PRELID2: variants seen among roughly 807,000 people sequenced by gnomAD.
The protein encoded by PRELID2 is PRELI domain containing 2.
A neutral mutation model predicts 28.4 loss-of-function variants in PRELID2; 25 were observed. The observed-to-expected ratio is 0.88, with a 90% CI of 0.64 to 1.23. The LOEUF is 1.23. Among genes scored for constraint, PRELID2 ranks in the 50% most tolerant of loss-of-function variants. PRELID2 has a pLI of 0.00. For missense variants in PRELID2, 201 were observed against 214.4 expected (o/e 0.94, Z 0.39); for synonymous variants, 76 against 71.6 (o/e 1.06, Z -0.31).
At chr5:145,277,173 A>G in the PRELID2 span, among the ~76,000 whole-genome samples, 1 of 152,116 alleles carries the variant, frequency 6.6e-6, no homozygotes, top group East Asian at 1.9e-4. Flanking sequence ...ATGGATTACT[A>G]CTGTGTCCCA....
At chr5:145,764,794 T>C in intron 6 of PRELID2, 137 bp downstream of exon 6, 1 of 643,954 alleles carries the variant, frequency 1.6e-6, no homozygotes, top group Non-Finnish European at 2.7e-6. Context: ...ATAAAACACC[T>C]GTGAAATAGT....
chr5:145,243,015 A>G, the PRELID2 span, among the ~76,000 whole-genome samples: 1 of 152,116 alleles, frequency 6.6e-6, no homozygotes, highest in Non-Finnish European at 1.5e-5. Flanking sequence ...AGTGGCTAAG[A>G]GACCTTTTTA....
chr5:145,792,701 TGTG>T (rs1752474264), intron 5 of PRELID2, among the ~76,000 whole-genome samples: 1 of 152,182 alleles, frequency 6.6e-6, no homozygotes. Context: ...CTAGACTGTA[TGTG>T]TTTACATGAA....
the PRELID2 span, among the ~76,000 whole-genome samples, chr5:145,332,716 C>CTT: frequency 4.6e-5 from 7 of 151,652 alleles, no homozygotes; most frequent in African/African-American, 1.7e-4. Context: ...TTAGAACATG[C>CTT]TTTTTTAACT....
intron 1 of PRELID2, among the ~76,000 whole-genome samples, chr5:145,741,813 TA>T (rs1756794826): frequency 1.2e-5 from 1 of 82,358 alleles, no homozygotes; most frequent in Non-Finnish European, 2.2e-5. Context: ...AATTTATTTA[TA>T]AATATACAAA....
chr5:145,741,381 T>A (rs1262884823), intron 1 of PRELID2, among the ~76,000 whole-genome samples: 4 of 108,376 alleles, frequency 3.7e-5, no homozygotes, highest in Non-Finnish European at 6.7e-5. Flanking sequence ...TAAATTTTAT[T>A]TATAAATTAT....
chr5:145,242,368 TAG>T, the PRELID2 span, among the ~76,000 whole-genome samples: 2 of 151,942 alleles, frequency 1.3e-5, no homozygotes, highest in African/African-American at 4.8e-5. Context: ...TTTCTAAATA[TAG>T]AGTTAAATGG....
intron 1 of PRELID2, among the ~76,000 whole-genome samples, chr5:145,630,432 T>G (rs1753916510): frequency 6.6e-6 from 1 of 152,166 alleles, no homozygotes; most frequent in Non-Finnish European, 1.5e-5. Flanking sequence ...TTAATTTGCT[T>G]TAATTTGGTA....
chr5:145,556,179 A>G (rs1752878409), intron 1 of PRELID2, among the ~76,000 whole-genome samples: 1 of 144,838 alleles, frequency 6.9e-6, no homozygotes, highest in African/African-American at 2.6e-5. Context: ...CTCTATCTCA[A>G]AAAAAAAAAA....
At chr5:145,300,141 G>A in the PRELID2 span, among the ~76,000 whole-genome samples, 3 of 151,874 alleles carry the variant, frequency 2.0e-5, no homozygotes, top group Admixed American at 2.0e-4. Flanking sequence ...TAAAAAAAAT[G>A]CCATCTTTGA....
chr5:145,653,773 T>C (rs372352395), intron 1 of PRELID2, among the ~76,000 whole-genome samples: 3 of 152,106 alleles, frequency 2.0e-5, no homozygotes, highest in Non-Finnish European at 2.9e-5. Context: ...ATTTATAGCA[T>C]TAAATGCCCA....
At chr5:145,328,843 CT>C in the PRELID2 span, among the ~76,000 whole-genome samples, 1 of 152,074 alleles carries the variant, frequency 6.6e-6, no homozygotes, top group Admixed American at 6.6e-5. Context: ...GTCATGAAGT[CT>C]TTTCCCATGC....
the PRELID2 span, among the ~76,000 whole-genome samples, chr5:145,296,893 G>C: frequency 1.3e-5 from 2 of 152,206 alleles, no homozygotes; most frequent in Non-Finnish European, 2.9e-5. Context: ...TCTAACTGGT[G>C]TGAGGTGGTA....
At chr5:145,255,893 C>A in the PRELID2 span, among the ~76,000 whole-genome samples, 3 of 151,344 alleles carry the variant, frequency 2.0e-5, no homozygotes, top group Admixed American at 1.3e-4. Context: ...AAACTGGAGT[C>A]CCAGAATACA....
chr5:145,410,894 T>C, the PRELID2 span, among the ~76,000 whole-genome samples: 1 of 152,124 alleles, frequency 6.6e-6, no homozygotes, highest in Admixed American at 6.6e-5. Context: ...AAGTCTCATC[T>C]GAGTCAAAGC....
chr5:145,698,189 C>T (rs552172715), intron 1 of PRELID2, among the ~76,000 whole-genome samples: 36 of 152,116 alleles, frequency 2.4e-4, no homozygotes, highest in Middle Eastern at 3.4e-3. Flanking sequence ...TTTATTCATT[C>T]GGAAAATTCT....
At position 145,679,876 on chromosome 5, in the gene PRELID2, AT is replaced by A. The variant is rs1309496137; in HGVS notation, n.70+85054del. Among the ~76,000 whole-genome samples the A allele has an allele frequency of 2.7e-5, 4 of 150,024 alleles. No individual in the cohort carries two copies. The East Asian group carries it at 7.8e-4, about 29-fold the overall frequency. ...ATAATACATTTATACAACTAATTTT[AT>A]ACAAATAATATATAAAATATGTAAA... On this transcript the variant is annotated intron_variant and non_coding_transcript_variant, in intron 1 of 2. Coordinates refer to the PRELID2 transcript ENST00000510259.
chr5:145,349,362 TTG>T, the PRELID2 span, among the ~76,000 whole-genome samples: 1 of 152,192 alleles, frequency 6.6e-6, no homozygotes, highest in Non-Finnish European at 1.5e-5. Flanking sequence ...GCTGCAAGAA[TTG>T]TGTCTTTTGG....
intron 1 of PRELID2, among the ~76,000 whole-genome samples, chr5:145,508,255 G>A (rs186138429): frequency 0.012 from 1,487 of 127,170 alleles, 13 homozygotes; most frequent in Admixed American, 0.017. Flanking sequence ...CTTTTGCATA[G>A]ACAGATAGAT....
Sources: gnomAD v4.1 joint callset for allele counts (sites outside exome capture counted in the v4.1 genomes callset) on GRCh38, gnomAD v4.1.1 for gene constraint, MANE v1.5 for transcripts, NCBI Gene and HGNC (gene_info 2026-07-23, HGNC 2026-07-21) for gene names.